EHMT1: variants seen among roughly 807,000 people sequenced by gnomAD.
The protein encoded by EHMT1 is histone-lysine N-methyltransferase EHMT1.
Under a neutral mutation model 147.2 loss-of-function variants are expected in EHMT1, and 15 were observed. The observed-to-expected ratio is 0.10, with a 90% CI of 0.07 to 0.16. The LOEUF (loss-of-function observed/expected upper bound fraction) is 0.16. EHMT1 is among the 10% of genes least tolerant of loss of function. EHMT1 has a pLI of 1.00. For synonymous variants in EHMT1, 795 were observed against 709.6 expected (o/e 1.12, Z -1.91); for missense variants, 1,587 against 1,772.4 (o/e 0.90, Z 1.88).
At chr9:137,807,478 C>T (rs1301901062) in intron 18 of EHMT1, among the ~76,000 whole-genome samples, 3 of 148,000 alleles carry the variant, frequency 2.0e-5, no homozygotes, top group East Asian at 3.9e-4. Flanking sequence ...GCTTTATTTA[C>T]TTATTTATTT....
rs141337185 is a variant in EHMT1, at chr9:137,665,311, G to T, written c.22-45656G>T. Reference sequence around the variant, plus strand: ...AAGGGCCTCTCCCTGTAAGAAATTTGGAGCTGGGGTGGGCATAGGAGGTGA... The same window carrying T: ...AAGGGCCTCTCCCTGTAAGAAATTTTGAGCTGGGGTGGGCATAGGAGGTGA... On this transcript the variant is annotated intron_variant, in intron 1 of 26. Transcript: ENST00000460843. Among the ~76,000 whole-genome samples, 219 of 152,274 alleles carry T rather than the reference G, an allele frequency of 1.4e-3. 1 individual carries two copies. Among genetic ancestry groups the T allele is most frequent in the Admixed American group, 2.7e-3 (41 of 15,296 alleles).
chr9:137,745,660 G>A lies in EHMT1; in HGVS notation c.1170+1570G>A, dbSNP rs1279632411. The A allele has an allele frequency of 2.0e-5, 8 of 397,542 alleles. 1 individual carries two copies. Among genetic ancestry groups the A allele is most frequent in the East Asian group, 1.8e-4 (5 of 28,056 alleles). 24.6% of individuals were successfully genotyped at this position (397,542 alleles called of 1,614,324 possible). On this transcript the variant is annotated intron_variant, in intron 6 of 26. Coordinates refer to ENST00000460843, the MANE Select transcript of EHMT1 (RefSeq NM_024757.5). ...CAGCTGCCGCGGTCTCTGCACACAC[G>A]TGTCTGTCGCTCCAGTGCACTGTCT... is the stretch of plus-strand genomic sequence containing the variant.
At chr9:137,821,787 AC>A (rs1325284684) in intron 25 of EHMT1, among the ~76,000 whole-genome samples, 2 of 152,174 alleles carry the variant, frequency 1.3e-5, no homozygotes, top group African/African-American at 4.8e-5. Context: ...TACCTTGTTT[AC>A]TAGTTCATGA....
intron 2 of EHMT1, among the ~76,000 whole-genome samples, chr9:137,714,898 A>G (rs544481593): frequency 6.6e-6 from 1 of 152,290 alleles, no homozygotes; most frequent in African/African-American, 2.4e-5. Flanking sequence ...TCATCCATTT[A>G]GGAGCATGAA....
intron 3 of EHMT1, among the ~76,000 whole-genome samples, chr9:137,718,287 A>G (rs912441473): frequency 2.6e-5 from 4 of 152,242 alleles, no homozygotes; most frequent in African/African-American, 7.2e-5. Flanking sequence ...TGCATACACG[A>G]TACAGGTTTT....
intron 3 of EHMT1, among the ~76,000 whole-genome samples, chr9:137,720,806 T>C (rs1373541639): frequency 2.0e-5 from 3 of 152,098 alleles, no homozygotes; most frequent in African/African-American, 4.8e-5. Flanking sequence ...ATTTTTACTT[T>C]AGAGCTGCTC....
rs534882754 is a variant in EHMT1 at position 137,832,361 on chromosome 9, C to T, written c.3541-1988C>T. Among the ~76,000 whole-genome samples, 8 of 145,892 alleles carry T rather than the reference C, an allele frequency of 5.5e-5. No individual in the cohort carries two copies. In the East Asian group the frequency reaches 1.0e-3, roughly 19 times the overall value. On this transcript the variant is annotated intron_variant, in intron 25 of 26. Transcript: ENST00000460843. ...CGCCTTCCACGTGGCCTCTGCACCTCGCTCCCGTCCTAGAATTGGCTGGGC... is the reference window on the plus strand; with the variant it reads ...CGCCTTCCACGTGGCCTCTGCACCTTGCTCCCGTCCTAGAATTGGCTGGGC...
chr9:137,725,813 C>T (rs992276802), intron 3 of EHMT1, among the ~76,000 whole-genome samples: 1 of 152,092 alleles, frequency 6.6e-6, no homozygotes, highest in Non-Finnish European at 1.5e-5. Flanking sequence ...CAAGAGTACT[C>T]GCTCCCCTGT....
At chr9:137,637,921 G>T (rs1844198195) in intron 1 of EHMT1, among the ~76,000 whole-genome samples, 1 of 151,974 alleles carries the variant, frequency 6.6e-6, no homozygotes, top group Non-Finnish European at 1.5e-5. Flanking sequence ...CTGAGAATTT[G>T]TTCATGGCAT....
intron 25 of EHMT1, among the ~76,000 whole-genome samples, chr9:137,818,592 A>AGGGG (rs1326305072): frequency 0.031 from 655 of 21,452 alleles, 40 homozygotes; most frequent in African/African-American, 0.15. Flanking sequence ...AGGCCGATTG[A>AGGGG]GGGGCGCCAT....
intron 18 of EHMT1, among the ~76,000 whole-genome samples, chr9:137,810,103 G>GAAA (rs1954308934): frequency 7.1e-6 from 1 of 140,278 alleles, no homozygotes; most frequent in Admixed American, 6.9e-5. Context: ...CGCCCTGTGT[G>GAAA]GACCGTCGGT....
At chr9:137,691,598 G>C (rs547025785) in intron 1 of EHMT1, among the ~76,000 whole-genome samples, 2 of 152,300 alleles carry the variant, frequency 1.3e-5, no homozygotes, top group East Asian at 3.9e-4. Context: ...TGAACATGGT[G>C]TGTAAATATC....
At position 137,732,161 on chromosome 9, in the gene EHMT1, G is replaced by T. The variant is rs1180052137; in HGVS notation, c.823+3632G>T. Among the ~76,000 whole-genome samples, 1 of 152,224 alleles carries T rather than the reference G, an allele frequency of 6.6e-6. No individual in the cohort carries two copies. On this transcript the variant is annotated intron_variant, in intron 4 of 26. Transcript: ENST00000460843. The surrounding 1 kb of genome is among the most constrained non-coding windows in gnomAD (Gnocchi z 4.6). ...CCACTGCTGCTTGCCATCACACGGG[G>T]CAGCCGCCGACACCAGCGGAGGGCA...
intron 1 of EHMT1, chr9:137,675,090 G>C (rs1403098242): frequency 6.6e-6 from 1 of 152,224 alleles, no homozygotes; most frequent in African/African-American, 2.4e-5. Context: ...GGCTGGGCTG[G>C]ATTTGGCCCG....
chr9:137,788,986 G>A (rs1588717014), intron 15 of EHMT1: 1 of 152,704 alleles, frequency 6.5e-6, no homozygotes, highest in South Asian at 2.1e-4. Context: ...CCGCGCGGGT[G>A]TCGCTCTGAC....
intron 1 of EHMT1, chr9:137,641,138 C>T: frequency 2.7e-6 from 1 of 367,910 alleles, no homozygotes; most frequent in Non-Finnish European, 5.3e-6. Flanking sequence ...ATGGTCTTTG[C>T]TGACCTCTCC....
intron 9 of EHMT1, among the ~76,000 whole-genome samples, chr9:137,761,884 C>T (rs749487001): frequency 3.3e-5 from 5 of 152,342 alleles, no homozygotes; most frequent in Admixed American, 6.5e-5. Flanking sequence ...CCTTTGGGAG[C>T]GGCACCCACT....
chr9:137,834,019 T>G, intron 25 of EHMT1: 1 of 400,968 alleles, frequency 2.5e-6, no homozygotes. Context: ...GACAGCCCCA[T>G]GGGTCCTCGG....
rs373925087 is a variant in EHMT1 at position 137,825,836 on chromosome 9, C to T, written c.3540+7698C>T. ...CACTTCTCATTCTTGTCGTCTACAC[C>T]GGCGGGGCTGCCCAGTGTCAGGGAG... On this transcript the variant is annotated intron_variant, in intron 25 of 26. Coordinates refer to ENST00000460843, the MANE Select transcript of EHMT1 (RefSeq NM_024757.5). Among the ~76,000 whole-genome samples the T allele has an allele frequency of 7.5e-4, 114 of 152,218 alleles. No homozygotes were observed. The East Asian group carries it at 0.01, about 14-fold the overall frequency.
Sources: gnomAD v4.1 joint callset for allele counts (sites outside exome capture counted in the v4.1 genomes callset) on GRCh38, gnomAD v4.1.1 for gene constraint, Gnocchi (gnomAD v3.1) non-coding constraint, MANE v1.5 for transcripts, NCBI Gene and HGNC (gene_info 2026-07-23, HGNC 2026-07-21) for gene names.